PDZD2: variants seen among roughly 807,000 people sequenced by gnomAD.
PDZD2 encodes PDZ domain-containing protein 2.
Under a neutral mutation model 220.7 loss-of-function variants are expected in PDZD2, and 90 were observed. The ratio of observed to expected loss-of-function variants is 0.41; its 90% confidence interval spans 0.34 to 0.49. PDZD2 has a LOEUF of 0.49. Among genes scored for constraint, PDZD2 ranks in the 20% least tolerant of loss-of-function variants. PDZD2 has a pLI of 0.28. For missense variants in PDZD2, 3,174 were observed against 3,608.5 expected, an observed-to-expected ratio of 0.88 and a Z score of 3.08; for synonymous variants, 1,375 against 1,450.5, an observed-to-expected ratio of 0.95 and a Z score of 1.18.
chr5:31,995,718 G>T lies in PDZD2; in HGVS notation c.1121G>T (p.Arg374Met). 1 of 1,613,264 alleles carries T rather than the reference G, an allele frequency of 6.2e-7. No individual in the cohort carries two copies. Among genetic ancestry groups the T allele is most frequent in the Non-Finnish European group, 8.5e-7 (1 of 1,179,874 alleles). Residue 374 changes from arginine to methionine, a missense_variant and splice_region_variant, in exon 4 of 25, where the codon AGG becomes ATG. Physicochemically the swap from Arg to Met is moderately conservative, Grantham distance 91. This residue lies in a region of PDZD2 where 632 missense variants were observed against 708.1 expected (regional missense o/e 0.89). Transcript: ENST00000438447. Reference protein sequence around the residue: ...TQVKEGGAAHRDGRLSLGDEL... With the variant: ...TQVKEGGAAHMDGRLSLGDEL... Reference sequence around the variant, plus strand: ...GTGAAGGAAGGAGGTGCCGCTCACAGGTGACTAGATAACTCTCCCCTCTCC... The same window carrying T: ...GTGAAGGAAGGAGGTGCCGCTCACATGTGACTAGATAACTCTCCCCTCTCC...
Position 31,799,307 on chromosome 5 carries a change from A to G in PDZD2, c.59A>G (p.Gln20Arg). Residue 20 changes from glutamine to arginine, a missense_variant, in exon 2 of 25, where the codon CAG becomes CGG. Transcript: ENST00000438447. ...LHLPLLYQWL[Q>R]NSLQEGGDGP... ...CTGCCCCTCCTCTACCAGTGGCTGC[A>G]GAACAGCCTGCAGGAAGGTGGGGAT... 6.2e-7 allele frequency: 1 copy of G among 1,613,960 alleles called. No individual in the cohort carries two copies. The highest frequency in any genetic ancestry group is 1.3e-5 in the African/African-American group (1 of 75,070).
At chr5:31,789,961 A>T (rs1342170466) in intron 1 of PDZD2, among the ~76,000 whole-genome samples, 7 of 152,188 alleles carry the variant, frequency 4.6e-5, no homozygotes, top group Non-Finnish European at 8.8e-5. Flanking sequence ...AAGAGATGGA[A>T]AATATCGTGG....
intron 2 of PDZD2, among the ~76,000 whole-genome samples, chr5:31,830,735 A>T (rs1025745374): frequency 5.3e-5 from 8 of 152,126 alleles, no homozygotes; most frequent in African/African-American, 1.7e-4. Context: ...TGTCTTCAGG[A>T]TAAAGTTACA....
intron 2 of PDZD2, among the ~76,000 whole-genome samples, chr5:31,878,554 G>GTTTTT (rs1411853055): frequency 2.5e-5 from 1 of 39,264 alleles, no homozygotes; most frequent in African/African-American, 7.4e-5. Flanking sequence ...GATGACCTCG[G>GTTTTT]CTTTTTTTTT....
chr5:31,845,977 C>T (rs1043226032), intron 2 of PDZD2, among the ~76,000 whole-genome samples: 6 of 152,200 alleles, frequency 3.9e-5, no homozygotes, highest in Non-Finnish European at 8.8e-5. Flanking sequence ...GCACCACAAT[C>T]CCCCTTCCTG....
chr5:31,995,796 T>C, intron 4 of PDZD2, 78 bp downstream of exon 4: 1 of 1,316,098 alleles, frequency 7.6e-7, no homozygotes, highest in Non-Finnish European at 1.1e-6. Flanking sequence ...GTGCAGGTGC[T>C]CTTCCACTTG....
intron 1 of PDZD2, among the ~76,000 whole-genome samples, chr5:31,676,890 C>T (rs1406990337): frequency 4.0e-5 from 6 of 151,874 alleles, no homozygotes; most frequent in Non-Finnish European, 8.8e-5. Flanking sequence ...CTAAGGCATA[C>T]GGCTTCCCCA....
rs1186296296 is a variant in PDZD2 at position 32,089,705 on chromosome 5, G to A, written c.6257G>A (p.Arg2086Lys). The stretch of plus-strand genomic sequence containing the variant: ...ATAATGGCCAGCGATCGCCTCGAAA[G>A]AACAAACCAGCTGAAAATCGTGGAG... ...GNIMASDRLE[R>K]TNQLKIVEIS... The change falls in exon 20 of 25, where the codon AGA becomes AAA. Residue 2086 changes from arginine (R) to lysine (K), a missense_variant. This residue lies in a region of PDZD2 where 1,861 missense variants were observed against 2,001.0 expected (regional missense o/e 0.93). Coordinates refer to ENST00000438447, the MANE Select transcript of PDZD2 (RefSeq NM_178140.4). The A allele has an allele frequency of 6.2e-6, 10 of 1,614,090 alleles. No individual in the cohort carries two copies. In the African/African-American group the frequency reaches 1.1e-4, roughly 17 times the overall value.
chr5:32,100,660 T>C, intron 23 of PDZD2: 2 of 363,642 alleles, frequency 5.5e-6, no homozygotes, highest in South Asian at 4.1e-5. Flanking sequence ...CTGGGCATTT[T>C]GGTGCTGCCA....
At chr5:31,759,744 C>T (rs1751520750) in intron 1 of PDZD2, among the ~76,000 whole-genome samples, 1 of 151,994 alleles carries the variant, frequency 6.6e-6, no homozygotes. Flanking sequence ...CGGGTTTCAC[C>T]ATGTTGGCCA....
intron 6 of PDZD2, among the ~76,000 whole-genome samples, chr5:32,013,884 T>TCAGC (rs1753520657): frequency 6.6e-6 from 1 of 152,124 alleles, no homozygotes; most frequent in Non-Finnish European, 1.5e-5. Context: ...CCATCATTTC[T>TCAGC]CAGCCCTCTC....
At chr5:32,104,094 G>A (rs1744505858) in intron 24 of PDZD2, 1 of 152,146 alleles carries the variant, frequency 6.6e-6, no homozygotes, top group Non-Finnish European at 1.5e-5. Context: ...TCCCACCTTT[G>A]GAAACTAGTG....
chr5:32,092,557 G>A (rs907122205), intron 20 of PDZD2, among the ~76,000 whole-genome samples: 4 of 152,350 alleles, frequency 2.6e-5, no homozygotes, highest in Admixed American at 2.6e-4. Flanking sequence ...GGGTGACAGA[G>A]CTAGACTCCA....
chr5:31,800,235 A>G (rs886927089), intron 2 of PDZD2, among the ~76,000 whole-genome samples: 8 of 152,206 alleles, frequency 5.3e-5, no homozygotes, highest in African/African-American at 1.9e-4. Context: ...CATTACACCG[A>G]AAGGACACAG....
chr5:31,778,960 C>G (rs1409247772), intron 1 of PDZD2, among the ~76,000 whole-genome samples: 2 of 152,154 alleles, frequency 1.3e-5, no homozygotes, highest in Non-Finnish European at 2.9e-5. Flanking sequence ...GAAAACAAAA[C>G]TACTTTGTAA....
At chr5:31,950,158 C>T (rs1243319007) in intron 2 of PDZD2, among the ~76,000 whole-genome samples, 1 of 152,102 alleles carries the variant, frequency 6.6e-6, no homozygotes, top group Non-Finnish European at 1.5e-5. Context: ...ATCTATGAGA[C>T]CCCATAGGTT....
At chr5:31,954,136 T>C (rs973092463) in intron 2 of PDZD2, among the ~76,000 whole-genome samples, 1 of 151,532 alleles carries the variant, frequency 6.6e-6, no homozygotes, top group Non-Finnish European at 1.5e-5. Flanking sequence ...AAAAAAAAAG[T>C]GACAGGAATG....
At chr5:31,947,678 G>C (rs556808099) in intron 2 of PDZD2, among the ~76,000 whole-genome samples, 2 of 152,162 alleles carry the variant, frequency 1.3e-5, no homozygotes, top group African/African-American at 2.4e-5. Context: ...TTAGCTGGGC[G>C]TGGTGGCACA....
intron 1 of PDZD2, among the ~76,000 whole-genome samples, chr5:31,736,930 T>C (rs1050074428): frequency 3.3e-5 from 5 of 151,860 alleles, no homozygotes; most frequent in African/African-American, 7.3e-5. Context: ...ATTTTCACCA[T>C]GGGACGTGCT....
Sources: allele counts gnomAD v4.1 joint callset (sites outside exome capture counted in the v4.1 genomes callset), GRCh38; gene constraint gnomAD v4.1.1; regional missense constraint gnomAD v4.1.1; transcripts MANE v1.5; gene names NCBI Gene and HGNC (gene_info 2026-07-23, HGNC 2026-07-21).